KIAA1217: variants seen among roughly 807,000 people sequenced by gnomAD.
KIAA1217 encodes the protein KIAA1217, also known as sickle tail protein homolog.
In KIAA1217, 88 loss-of-function variants were observed where a neutral mutation model predicts 163.9. The ratio of observed to expected loss-of-function variants is 0.54; its 90% CI spans 0.45 to 0.64. The LOEUF (loss-of-function observed/expected upper bound fraction) is 0.64. Among genes scored for constraint, KIAA1217 ranks in the 30% least tolerant of loss-of-function variants. The pLI is 0.00. For synonymous variants in KIAA1217, 903 were observed against 923.1 expected, an observed-to-expected ratio of 0.98 and a Z score of 0.39; for missense variants, 2,372 against 2,475.0, an observed-to-expected ratio of 0.96 and a Z score of 0.88.
intron 5 of KIAA1217, among the ~76,000 whole-genome samples, chr10:24,447,251 CTATT>C (rs1338395424): frequency 6.6e-6 from 1 of 151,040 alleles, no homozygotes; most frequent in African/African-American, 2.4e-5. Flanking sequence ...ATTTATTTAT[CTATT>C]TATTTTATAC....
intron 2 of KIAA1217, among the ~76,000 whole-genome samples, chr10:24,336,769 C>G (rs1032173495): frequency 2.0e-5 from 3 of 152,158 alleles, no homozygotes; most frequent in Non-Finnish European, 4.4e-5. Context: ...AGTTAATACT[C>G]AAATTATTTT....
intron 2 of KIAA1217, among the ~76,000 whole-genome samples, chr10:24,355,801 T>A (rs113708056): frequency 0.056 from 7,046 of 126,106 alleles, 232 homozygotes; most frequent in Non-Finnish European, 0.068. Flanking sequence ...CAGGCTGGAG[T>A]ACAGTGGCCC....
intron 1 of KIAA1217, among the ~76,000 whole-genome samples, chr10:23,872,153 C>G (rs1840484023): frequency 6.6e-6 from 1 of 151,980 alleles, no homozygotes; most frequent in Non-Finnish European, 1.5e-5. Context: ...GTTAGAGCAG[C>G]AGAGTGAGAC....
At chr10:24,227,221 G>C (rs977068904) in intron 2 of KIAA1217, among the ~76,000 whole-genome samples, 2 of 150,224 alleles carry the variant, frequency 1.3e-5, no homozygotes, top group East Asian at 2.0e-4. Flanking sequence ...GCAATGGCGC[G>C]ATCTTTTCTC....
chr10:24,543,043 A>G lies in KIAA1217; in HGVS notation c.3773A>G (p.Tyr1258Cys). 1 of 1,614,052 alleles carries G rather than the reference A, an allele frequency of 6.2e-7. No homozygotes were observed. The highest frequency in any genetic ancestry group is 8.5e-7 in the Non-Finnish European group (1 of 1,179,968). ...NMSLLRDSRN[Y>C]SQETVPKASF... ...AGTTTACTCAGAGACAGTAGAAACT[A>G]TTCCCAGGAAACTGTGCCTAAGGCC... The change falls in exon 19 of 21, where the codon TAT becomes TGT. Residue 1258 changes from tyrosine to cysteine, a missense_variant. Around this residue, in one of 3 missense-constraint regions of KIAA1217, gnomAD observed 251 missense variants for 327.3 expected, o/e 0.77. Transcript: ENST00000376454.
intron 5 of KIAA1217, among the ~76,000 whole-genome samples, chr10:24,446,632 C>T (rs1330913095): frequency 2.6e-5 from 4 of 152,142 alleles, no homozygotes; most frequent in Non-Finnish European, 5.9e-5. Flanking sequence ...GTTTTTGACC[C>T]ACCTGTAATA....
chr10:24,333,835 G>A (rs1241006284), intron 2 of KIAA1217, among the ~76,000 whole-genome samples: 1 of 152,180 alleles, frequency 6.6e-6, no homozygotes, highest in East Asian at 1.9e-4. Flanking sequence ...AACAAAACTT[G>A]AATTCAGTGT....
intron 3 of KIAA1217, among the ~76,000 whole-genome samples, chr10:24,423,032 G>A: frequency 6.7e-6 from 1 of 149,442 alleles, no homozygotes; most frequent in Admixed American, 6.7e-5. Context: ...AGCCTCCAGA[G>A]TAGTTGGGAC....
chr10:23,963,892 CTTTTCT>C (rs1276629320), intron 1 of KIAA1217, among the ~76,000 whole-genome samples: 1 of 144,926 alleles, frequency 6.9e-6, no homozygotes, highest in African/African-American at 2.7e-5. Flanking sequence ...TTTCTTTTCT[CTTTTCT>C]TTTTTTTTTT....
intron 1 of KIAA1217, among the ~76,000 whole-genome samples, chr10:23,845,585 T>C (rs1214060045): frequency 6.6e-6 from 1 of 152,182 alleles, no homozygotes; most frequent in Non-Finnish European, 1.5e-5. Flanking sequence ...GATGGTTTTT[T>C]CTTTTTCTTG....
intron 1 of KIAA1217, among the ~76,000 whole-genome samples, chr10:23,975,143 G>A (rs1032611733): frequency 6.6e-6 from 1 of 152,184 alleles, no homozygotes; most frequent in African/African-American, 2.4e-5. Context: ...CATGGGAAAT[G>A]TGTATTTTCA....
At chr10:23,720,080 G>T (rs907742847) in intron 1 of KIAA1217, among the ~76,000 whole-genome samples, 2 of 151,774 alleles carry the variant, frequency 1.3e-5, no homozygotes, top group Non-Finnish European at 2.9e-5. Flanking sequence ...TTAGTATGAT[G>T]GAAATATTTT....
At chr10:23,755,231 C>T (rs534453657) in intron 1 of KIAA1217, among the ~76,000 whole-genome samples, 42 of 152,234 alleles carry the variant, frequency 2.8e-4, no homozygotes, top group African/African-American at 9.9e-4. Context: ...ATCTTTGGAG[C>T]TTATTGAGAG....
At position 24,230,995 on chromosome 10, in the gene KIAA1217, C is replaced by G. The variant is rs142429722; in HGVS notation, c.354+11086C>G. Among the ~76,000 whole-genome samples, 819 of 152,266 alleles carry G rather than the reference C, an allele frequency of 5.4e-3. 9 individuals carry two copies. Among genetic ancestry groups the G allele is most frequent in the African/African-American group, 0.019 (783 of 41,536 alleles). On this transcript the variant is annotated intron_variant, in intron 2 of 20. Transcript: ENST00000376454. ...ACCACCTCTCTGATGGGGGATGAAACAGAAAGATGTTCTGAAATGCTAAGG... is the reference window on the plus strand; with the variant it reads ...ACCACCTCTCTGATGGGGGATGAAAGAGAAAGATGTTCTGAAATGCTAAGG...
At chr10:24,273,583 G>A (rs1010997715) in intron 2 of KIAA1217, among the ~76,000 whole-genome samples, 1 of 152,078 alleles carries the variant, frequency 6.6e-6, no homozygotes, top group African/African-American at 2.4e-5. Flanking sequence ...TGGACGCCAT[G>A]GCTCATGCCT....
In KIAA1217 at chr10:23,973,163, C is replaced by T. The variant is rs564900223; in HGVS notation, c.-320-34062C>T. 8.6e-5 allele frequency among the ~76,000 whole-genome samples: 10 copies of T among 116,460 alleles called. No homozygotes were observed. The South Asian group carries it at 2.9e-3, about 33-fold the overall frequency. 76.4% of individuals were successfully genotyped at this position (116,460 alleles called of 152,430 possible). A position where few individuals can be genotyped will look rare whatever the true frequency, so the allele number is the denominator to read the frequency against. On this transcript the variant is annotated intron_variant, in intron 1 of 18. Transcript: ENST00000376462. Reference sequence around the variant, plus strand: ...TGTGATATCACTTTGTCAGCTAATACTGATGAATTTAAAGTTTTTTTCCGC... The same window carrying T: ...TGTGATATCACTTTGTCAGCTAATATTGATGAATTTAAAGTTTTTTTCCGC...
At chr10:23,867,907 T>G (rs1055087960) in intron 1 of KIAA1217, among the ~76,000 whole-genome samples, 1 of 152,210 alleles carries the variant, frequency 6.6e-6, no homozygotes, top group African/African-American at 2.4e-5. Flanking sequence ...TTTGGTGTTT[T>G]AGACATGAAG....
At chr10:24,325,334 G>C (rs2044728098) in intron 2 of KIAA1217, among the ~76,000 whole-genome samples, 1 of 152,192 alleles carries the variant, frequency 6.6e-6, no homozygotes, top group African/African-American at 2.4e-5. Context: ...GCAGGCGTCA[G>C]TTCCTGGCAT....
In KIAA1217 at chr10:24,138,175, G is replaced by A. The variant is rs142019970; in HGVS notation, c.-170-81451G>A. ...TTTGCTTTTTGGTTTTGTTTTAGAGGCAGGGTCTTTCTCTGTCACTCAGGC... is the reference window on the plus strand; with the variant it reads ...TTTGCTTTTTGGTTTTGTTTTAGAGACAGGGTCTTTCTCTGTCACTCAGGC... On this transcript the variant is annotated intron_variant, in intron 2 of 18. Coordinates refer to the KIAA1217 transcript ENST00000376462. Among the ~76,000 whole-genome samples, 26 of 152,196 alleles carry A rather than the reference G, an allele frequency of 1.7e-4. 1 individual carries two copies. The East Asian group carries it at 5.0e-3, about 29-fold the overall frequency.
Sources: gnomAD v4.1 joint callset for allele counts (sites outside exome capture counted in the v4.1 genomes callset) on GRCh38, gnomAD v4.1.1 for gene constraint, gnomAD v4.1.1 regional missense constraint, MANE v1.5 for transcripts, NCBI Gene and HGNC (gene_info 2026-07-23, HGNC 2026-07-21) for gene names.